The following GLIS3 variants were observed in gnomAD, a reference collection of about 807,000 sequenced individuals.
GLIS3 encodes zinc finger protein GLIS3.
In GLIS3, 53 loss-of-function variants were observed where a neutral mutation model predicts 78.6. That is an observed-to-expected ratio of 0.67 (90% CI 0.54 to 0.85). The LOEUF is 0.85. Among genes scored for constraint, GLIS3 ranks in the 40% least tolerant of loss-of-function variants. The pLI, the probability that GLIS3 is intolerant of heterozygous loss-of-function variation, is 0.00. For missense variants in GLIS3, 1,703 were observed against 1,231.1 expected (o/e 1.38, Z -5.74); for synonymous variants, 684 against 509.9 (o/e 1.34, Z -4.60).
intron 4 of GLIS3, among the ~76,000 whole-genome samples, chr9:4,080,394 AC>A (rs140106433): frequency 0.01 from 1,573 of 152,298 alleles, 30 homozygotes; most frequent in African/African-American, 0.036. Flanking sequence ...GGATAAAAAA[AC>A]ATTTTGATGC....
chr9:4,222,390 C>G (rs1227326346), intron 2 of GLIS3, among the ~76,000 whole-genome samples: 1 of 152,224 alleles, frequency 6.6e-6, no homozygotes, highest in Non-Finnish European at 1.5e-5. Flanking sequence ...AGGCCATATG[C>G]TGATTCATCT....
chr9:4,113,555 A>T (rs1354580059), intron 4 of GLIS3, among the ~76,000 whole-genome samples: 1 of 152,244 alleles, frequency 6.6e-6, no homozygotes, highest in Non-Finnish European at 1.5e-5. Context: ...ATTAAGAATT[A>T]TGCTTACATG....
the GLIS3 span, among the ~76,000 whole-genome samples, chr9:4,382,847 A>G: frequency 6.6e-6 from 1 of 152,162 alleles, no homozygotes. Context: ...TTCATTTTCT[A>G]ATGAATTACA....
At chr9:4,057,184 T>C (rs997620727) in intron 4 of GLIS3, among the ~76,000 whole-genome samples, 4 of 152,152 alleles carry the variant, frequency 2.6e-5, no homozygotes, top group Non-Finnish European at 2.9e-5. Flanking sequence ...GCTGGCTTCA[T>C]GGGCATCAAA....
upstream of GLIS3, among the ~76,000 whole-genome samples, chr9:4,302,837 G>A (rs192109679): frequency 6.6e-6 from 1 of 152,324 alleles, no homozygotes; most frequent in East Asian, 1.9e-4. Flanking sequence ...GAGTGTGGAG[G>A]AGGCAGGAAT....
the GLIS3 span, among the ~76,000 whole-genome samples, chr9:4,410,945 G>C: frequency 6.6e-6 from 1 of 151,906 alleles, no homozygotes; most frequent in East Asian, 1.9e-4. Context: ...ACAAACTCTT[G>C]GGTTTTTTTC....
the GLIS3 span, among the ~76,000 whole-genome samples, chr9:4,367,785 A>C: frequency 6.6e-6 from 1 of 152,214 alleles, no homozygotes; most frequent in African/African-American, 2.4e-5. Flanking sequence ...AATGGAAAAA[A>C]AAGAAGAGAC....
chr9:4,089,918 G>A (rs547343937), intron 4 of GLIS3, among the ~76,000 whole-genome samples: 6 of 152,314 alleles, frequency 3.9e-5, no homozygotes, highest in Admixed American at 2.0e-4. Flanking sequence ...ATCATAAAGA[G>A]GAGTATTTAT....
intron 2 of GLIS3, among the ~76,000 whole-genome samples, chr9:4,335,913 T>C (rs552983009): frequency 6.6e-6 from 1 of 152,278 alleles, no homozygotes; most frequent in South Asian, 2.1e-4. Context: ...TACAGAGCTA[T>C]GACAACCTAA....
chr9:4,405,209 C>T, the GLIS3 span, among the ~76,000 whole-genome samples: 2 of 151,934 alleles, frequency 1.3e-5, no homozygotes. Flanking sequence ...ACAAAATTAG[C>T]CAGGTTTGGT....
In GLIS3 at chr9:4,166,974, TC is replaced by T. The variant is rs577340295; in HGVS notation, c.389-41034del. On this transcript the variant is annotated intron_variant, in intron 2 of 10. Coordinates refer to ENST00000381971, the MANE Select transcript of GLIS3 (RefSeq NM_001042413.2). ...ACGTGTGTTCCTGTTTGCGAACAACTCCAAAAATCTCTTTGAGTGTGAGGGT... is the reference window on the plus strand; with the variant it reads ...ACGTGTGTTCCTGTTTGCGAACAACTCAAAAATCTCTTTGAGTGTGAGGGT... Among the ~76,000 whole-genome samples, 81 of 152,326 alleles carry T rather than the reference TC, an allele frequency of 5.3e-4. No individual in the cohort carries two copies. In the South Asian group the frequency reaches 0.016, roughly 30 times the overall value.
At chr9:4,486,464 C>T in the GLIS3 span, among the ~76,000 whole-genome samples, 4 of 152,206 alleles carry the variant, frequency 2.6e-5, no homozygotes, top group Non-Finnish European at 5.9e-5. Flanking sequence ...AATTCCTCTT[C>T]TCTTCACCTC....
the GLIS3 span, among the ~76,000 whole-genome samples, chr9:4,378,750 T>C: frequency 6.6e-6 from 1 of 152,196 alleles, no homozygotes; most frequent in South Asian, 2.1e-4. Context: ...TGGTTCTTGA[T>C]AGCATGTGTA....
intron 2 of GLIS3, among the ~76,000 whole-genome samples, chr9:4,201,550 T>C (rs1252584085): frequency 1.3e-5 from 2 of 152,152 alleles, no homozygotes; most frequent in Non-Finnish European, 2.9e-5. Flanking sequence ...ACATTCAAGC[T>C]GAGAGCCTAA....
chr9:3,906,903 G>A (rs929795479), intron 6 of GLIS3, among the ~76,000 whole-genome samples: 15 of 152,044 alleles, frequency 9.9e-5, no homozygotes, highest in African/African-American at 3.4e-4. Flanking sequence ...AACTTCCCAC[G>A]TAGCATACTA....
the GLIS3 span, among the ~76,000 whole-genome samples, chr9:4,486,259 G>A: frequency 2.6e-5 from 4 of 152,058 alleles, no homozygotes; most frequent in Non-Finnish European, 4.4e-5. Context: ...CCCTGCCACC[G>A]TCTCCCACAA....
chr9:4,176,764 A>G (rs1816846030), intron 2 of GLIS3, among the ~76,000 whole-genome samples: 1 of 152,100 alleles, frequency 6.6e-6, no homozygotes, highest in South Asian at 2.1e-4. Context: ...GCTGGGATAA[A>G]AGACACCTGC....
chr9:3,922,014 C>T (rs1824923673), intron 6 of GLIS3, among the ~76,000 whole-genome samples: 1 of 151,838 alleles, frequency 6.6e-6, no homozygotes, highest in African/African-American at 2.4e-5. Context: ...GAAATTCAAA[C>T]AAACTGTTAC....
At chr9:4,372,875 A>ACTC in the GLIS3 span, among the ~76,000 whole-genome samples, 1 of 152,018 alleles carries the variant, frequency 6.6e-6, no homozygotes, top group African/African-American at 2.4e-5. Flanking sequence ...AATGATAGGG[A>ACTC]CTCCACCATT....
Sources: allele counts gnomAD v4.1 joint callset (sites outside exome capture counted in the v4.1 genomes callset), GRCh38; gene constraint gnomAD v4.1.1; transcripts MANE v1.5; gene names NCBI Gene and HGNC (gene_info 2026-07-23, HGNC 2026-07-21).